The following ZDHHC18 variants were observed in gnomAD, a reference collection of about 807,000 sequenced individuals.
ZDHHC18 encodes the protein zDHHC palmitoyltransferase 18.
ZDHHC18 carries 23 observed loss-of-function variants against 37.5 expected under a neutral mutation model. The observed-to-expected ratio is 0.61, with a 90% confidence interval of 0.44 to 0.87. ZDHHC18 has a LOEUF of 0.87. Ranked by LOEUF, ZDHHC18 falls within the 40% of genes least tolerant of loss-of-function variation. The pLI is 0.00. For missense variants in ZDHHC18, 406 were observed against 525.6 expected (o/e 0.77, Z 2.22); for synonymous variants, 185 against 218.7 (o/e 0.85, Z 1.36).
chr1:26,857,528 T>G lies in ZDHHC18; in HGVS notation c.*3685T>G, dbSNP rs2081740724. 1 of 150,118 alleles carries G rather than the reference T, an allele frequency of 6.7e-6. No homozygotes were observed. The allele number at this position is 150,118 out of a possible 1,614,324, so 9.3% of individuals were successfully genotyped here. A position where few individuals can be genotyped will look rare whatever the true frequency, so the allele number is the denominator to read the frequency against. Reference sequence around the variant, plus strand: ...AAGGAAAATCAGCTGAGCCCAGGGCTGGGGGCTGCTTGTCTGCTATCCTGT... The same window carrying G: ...AAGGAAAATCAGCTGAGCCCAGGGCGGGGGGCTGCTTGTCTGCTATCCTGT... On this transcript the variant is annotated 3_prime_UTR_variant, in exon 8 of 8. Coordinates refer to ENST00000374142, the MANE Select transcript of ZDHHC18 (RefSeq NM_032283.3).
intron 2 of ZDHHC18, among the ~76,000 whole-genome samples, chr1:26,845,634 C>G (rs1422997035): frequency 6.6e-6 from 1 of 151,830 alleles, no homozygotes; most frequent in Non-Finnish European, 1.5e-5. Flanking sequence ...CGCCCGGCCT[C>G]ATTCTTTTTT....
intron 2 of ZDHHC18, among the ~76,000 whole-genome samples, chr1:26,846,708 A>T (rs1227457830): frequency 6.6e-6 from 1 of 152,062 alleles, no homozygotes; most frequent in Non-Finnish European, 1.5e-5. Context: ...CACCATCTAG[A>T]TTGAATAGTA....
intron 2 of ZDHHC18, among the ~76,000 whole-genome samples, chr1:26,840,191 G>C (rs1487782584): frequency 6.6e-6 from 1 of 152,182 alleles, no homozygotes; most frequent in Non-Finnish European, 1.5e-5. Context: ...ATTCCACTGA[G>C]GATTCCAGTA....
chr1:26,835,937 C>T (rs1243496545), intron 2 of ZDHHC18, among the ~76,000 whole-genome samples: 1 of 152,124 alleles, frequency 6.6e-6, no homozygotes, highest in African/African-American at 2.4e-5. Flanking sequence ...TGGGGACAGT[C>T]TGAGGTAGAG....
At chr1:26,832,661 A>G in intron 2 of ZDHHC18, 54 bp downstream of exon 2, 15 of 1,587,194 alleles carry the variant, frequency 9.5e-6, no homozygotes, top group Non-Finnish European at 1.3e-5. Flanking sequence ...ACATTCCCTG[A>G]CTTGGGAGGA....
At chr1:26,827,924 C>A (rs969141651) in intron 1 of ZDHHC18, among the ~76,000 whole-genome samples, 3 of 152,148 alleles carry the variant, frequency 2.0e-5, no homozygotes, top group African/African-American at 7.2e-5. Context: ...GCTTTCTTTC[C>A]CTGCTCAACA....
intron 1 of ZDHHC18, 94 bp from the exon 2 acceptor site, chr1:26,832,353 G>T (rs34924059): frequency 0.15 from 224,932 of 1,509,662 alleles, 18,129 homozygotes; most frequent in Non-Finnish European, 0.17. Context: ...TTTGGTGGTG[G>T]TTGTTGGAAT....
chr1:26,838,082 T>C (rs1373097450), intron 2 of ZDHHC18, among the ~76,000 whole-genome samples: 2 of 148,048 alleles, frequency 1.4e-5, no homozygotes, highest in African/African-American at 5.0e-5. Context: ...CCACAACCTC[T>C]GCCTCTCGGG....
At chr1:26,827,308 C>G (rs1232266698) in intron 1 of ZDHHC18, among the ~76,000 whole-genome samples, 169 bp downstream of exon 1, 1 of 149,430 alleles carries the variant, frequency 6.7e-6, no homozygotes, top group Non-Finnish European at 1.5e-5. Flanking sequence ...CCCCTGCGCA[C>G]CCCCATCCCC....
intron 1 of ZDHHC18, among the ~76,000 whole-genome samples, chr1:26,829,577 T>C (rs1008296992): frequency 1.3e-5 from 2 of 152,204 alleles, no homozygotes; most frequent in African/African-American, 4.8e-5. Context: ...TATCGCTCTC[T>C]GAAGCATTTG....
chr1:26,845,317 A>ACTC (rs2081658156), intron 2 of ZDHHC18, among the ~76,000 whole-genome samples: 5 of 68,854 alleles, frequency 7.3e-5, no homozygotes, highest in Admixed American at 1.6e-4. Flanking sequence ...TTACTTCTTC[A>ACTC]TTCTTTTTTT....
At position 26,832,571 on chromosome 1, in the gene ZDHHC18, A is replaced by G. The variant is rs1199053621; in HGVS notation, c.460A>G (p.Thr154Ala). ...FTDPGILPRA[T>A]VCEAAALEKQ... ...CGACCCTGGGATCCTGCCCCGGGCC[A>G]CTGTCTGTGAAGCAGCCGCCCTGGA... Residue 154 changes from threonine (T) to alanine (A), a missense_variant, in exon 2 of 8, where the codon ACT (threonine) becomes GCT (alanine). Thr to Ala is a moderately conservative substitution (Grantham distance 58). Transcript: ENST00000374142. The G allele has an allele frequency of 6.2e-7, 1 of 1,614,016 alleles. No individual in the cohort carries two copies. Among genetic ancestry groups the G allele is most frequent in the African/African-American group, 1.3e-5 (1 of 74,904 alleles).
At chr1:26,846,994 C>A (rs2124263981) in intron 2 of ZDHHC18, among the ~76,000 whole-genome samples, 1 of 151,824 alleles carries the variant, frequency 6.6e-6, no homozygotes, top group East Asian at 1.9e-4. Flanking sequence ...CTCCCGGGTT[C>A]AAGCGATTCT....
intron 5 of ZDHHC18, 78 bp from the exon 6 acceptor site, chr1:26,851,051 G>A: frequency 7.4e-7 from 1 of 1,354,784 alleles, no homozygotes. Context: ...CAGCTCCATG[G>A]AAGGATAGGT....
At chr1:26,844,916 T>A (rs1462182383) in intron 2 of ZDHHC18, among the ~76,000 whole-genome samples, 1 of 150,550 alleles carries the variant, frequency 6.6e-6, no homozygotes, top group Non-Finnish European at 1.5e-5. Flanking sequence ...TTACATGGTT[T>A]TTTTTTTTGG....
At chr1:26,833,794 GC>G (rs1215022631) in intron 2 of ZDHHC18, among the ~76,000 whole-genome samples, 1 of 152,066 alleles carries the variant, frequency 6.6e-6, no homozygotes, top group Non-Finnish European at 1.5e-5. Context: ...CACCCAGCTG[GC>G]CCTGAAGACA....
intron 2 of ZDHHC18, among the ~76,000 whole-genome samples, chr1:26,839,905 C>T (rs921918348): frequency 6.6e-6 from 1 of 152,186 alleles, no homozygotes; most frequent in East Asian, 1.9e-4. Flanking sequence ...TTGTCTTCCC[C>T]CATGAAGGGT....
intron 2 of ZDHHC18, among the ~76,000 whole-genome samples, chr1:26,846,400 C>T (rs1429851130): frequency 4.5e-5 from 6 of 134,726 alleles, no homozygotes; most frequent in African/African-American, 1.7e-4. Flanking sequence ...AATCTCGGCT[C>T]ACTGCAAGCT....
At chr1:26,835,722 C>T (rs1391397303) in intron 2 of ZDHHC18, among the ~76,000 whole-genome samples, 1 of 152,036 alleles carries the variant, frequency 6.6e-6, no homozygotes, top group Non-Finnish European at 1.5e-5. Context: ...AAACCAAAAA[C>T]ATATTTCCCC....
Sources: gnomAD v4.1 joint callset for allele counts (sites outside exome capture counted in the v4.1 genomes callset) on GRCh38, gnomAD v4.1.1 for gene constraint, MANE v1.5 for transcripts, NCBI Gene and HGNC (gene_info 2026-07-23, HGNC 2026-07-21) for gene names.